Variants in PHTF1 observed in about 807,000 individuals in gnomAD.
PHTF1 encodes protein PHTF1.
In PHTF1, 88 loss-of-function variants were observed where a neutral mutation model predicts 102.4. The ratio of observed to expected loss-of-function variants is 0.86; its 90% CI spans 0.72 to 1.03. The LOEUF (loss-of-function observed/expected upper bound fraction) is 1.03, where lower values mean the gene tolerates loss of function less well. Ranked by LOEUF, PHTF1 falls within the 50% of genes least tolerant of loss-of-function variation. The probability of loss-of-function intolerance (pLI) is 0.00; values close to 1 mark genes in which losing one functional copy is unlikely to be tolerated. For synonymous variants in PHTF1, 289 were observed against 305.2 expected (o/e 0.95, Z 0.55); for missense variants, 814 against 909.5 (o/e 0.89, Z 1.35).
intron 18 of PHTF1, 74 bp downstream of exon 18, chr1:113,698,188 C>G: frequency 1.2e-6 from 1 of 813,634 alleles, no homozygotes; most frequent in Non-Finnish European, 1.9e-6. Context: ...CACACACACA[C>G]GTGTGAAGAA....
Position 113,758,649 on chromosome 1 carries a change from T to C in PHTF1, c.45+10A>G, listed in dbSNP as rs1277641726. On this transcript the variant is annotated intron_variant, in intron 2 of 18. Coordinates refer to ENST00000369604, the MANE Select transcript of PHTF1 (RefSeq NM_001323043.2). ...GCTTTACAAATAAAAAAAATATATA[T>C]ATGTATTACCTTCTTTTGGTACCAC... 3 of 1,496,318 alleles carry C rather than the reference T, an allele frequency of 2.0e-6. No homozygotes were observed. In the Admixed American group the frequency reaches 5.4e-5, roughly 27 times the overall value. 92.7% of individuals were successfully genotyped at this position (1,496,318 alleles called of 1,614,324 possible).
intron 5 of PHTF1, among the ~76,000 whole-genome samples, chr1:113,731,068 T>A (rs1405981849): frequency 6.6e-6 from 1 of 152,048 alleles, no homozygotes; most frequent in Admixed American, 6.6e-5. Context: ...ATGAAAAAAT[T>A]TTGGAAATAA....
At chr1:113,756,375 T>C (rs928585670) in intron 3 of PHTF1, among the ~76,000 whole-genome samples, 2 of 152,218 alleles carry the variant, frequency 1.3e-5, no homozygotes, top group African/African-American at 2.4e-5. Flanking sequence ...TTTCTATTGA[T>C]TGGCCTATTT....
chr1:113,732,005 A>G (rs1235816907), intron 5 of PHTF1, among the ~76,000 whole-genome samples: 2 of 152,046 alleles, frequency 1.3e-5, no homozygotes, highest in Non-Finnish European at 2.9e-5. Context: ...TTTTCTGTCC[A>G]TCCTCCAAAA....
chr1:113,757,664 G>A, intron 3 of PHTF1, 35 bp downstream of exon 3: 3 of 1,423,260 alleles, frequency 2.1e-6, no homozygotes, highest in South Asian at 1.1e-5. Flanking sequence ...TATTAATGCA[G>A]TGAAACATAG....
intron 3 of PHTF1, among the ~76,000 whole-genome samples, chr1:113,744,712 G>A (rs1326450736): frequency 2.0e-5 from 3 of 152,316 alleles, no homozygotes; most frequent in Admixed American, 2.0e-4. Context: ...CACTTTGGGA[G>A]GCTGAGGCAG....
intron 7 of PHTF1, among the ~76,000 whole-genome samples, chr1:113,723,802 T>C (rs753759683): frequency 6.6e-5 from 10 of 152,062 alleles, no homozygotes; most frequent in Non-Finnish European, 1.5e-4. Context: ...AAAGCATCTA[T>C]ATAGCAAAGG....
At chr1:113,759,754 G>C (rs550611187), upstream of PHTF1, among the ~76,000 whole-genome samples, 1 of 152,356 alleles carries the variant, frequency 6.6e-6, no homozygotes, top group East Asian at 1.9e-4. Context: ...GGTCGGTCCT[G>C]ATACTCTAGT....
chr1:113,736,840 T>C (rs1197852336), intron 5 of PHTF1, among the ~76,000 whole-genome samples: 2 of 152,204 alleles, frequency 1.3e-5, no homozygotes, highest in Non-Finnish European at 2.9e-5. Context: ...TAGGAGATGA[T>C]GTCTGAGAGA....
At chr1:113,733,993 T>C (rs559520015) in intron 5 of PHTF1, among the ~76,000 whole-genome samples, 35 of 152,234 alleles carry the variant, frequency 2.3e-4, no homozygotes, top group Non-Finnish European at 3.8e-4. Context: ...GGTGTAGTGG[T>C]TCACACCTGT....
At chr1:113,744,081 C>T (rs909914499) in intron 3 of PHTF1, among the ~76,000 whole-genome samples, 1 of 152,142 alleles carries the variant, frequency 6.6e-6, no homozygotes, top group African/African-American at 2.4e-5. Flanking sequence ...CCTTACTGGC[C>T]ACAACCTCTA....
At chr1:113,751,004 G>A (rs1284231159) in intron 3 of PHTF1, among the ~76,000 whole-genome samples, 1 of 152,094 alleles carries the variant, frequency 6.6e-6, no homozygotes, top group Non-Finnish European at 1.5e-5. Context: ...GCTTACATCT[G>A]TAATCCCAGC....
At chr1:113,706,456 ATGT>A (rs1173335036) in intron 12 of PHTF1, 135 bp downstream of exon 12, 68 of 523,226 alleles carry the variant, frequency 1.3e-4, no homozygotes, top group Non-Finnish European at 1.9e-4. Context: ...TATGTTAATA[ATGT>A]TATTATATAT....
chr1:113,738,926 A>T, intron 3 of PHTF1, 127 bp from the exon 4 acceptor site: 1 of 522,694 alleles, frequency 1.9e-6, no homozygotes, highest in Non-Finnish European at 3.4e-6. Flanking sequence ...ATCTCGGCTC[A>T]CTGCAACCTC....
intron 8 of PHTF1, among the ~76,000 whole-genome samples, chr1:113,712,784 ATT>A (rs35092721): frequency 0.32 from 41,577 of 130,998 alleles, 5,746 homozygotes; most frequent in African/African-American, 0.49. Flanking sequence ...AACTCACAAA[ATT>A]TTTTTTTTTT....
intron 3 of PHTF1, among the ~76,000 whole-genome samples, chr1:113,745,721 C>G (rs753644590): frequency 1.3e-5 from 2 of 152,166 alleles, no homozygotes; most frequent in East Asian, 3.9e-4. Context: ...TTCGAGGGAT[C>G]TAGGTTGCAT....
intron 7 of PHTF1, among the ~76,000 whole-genome samples, chr1:113,716,063 A>G (rs1259898165): frequency 6.6e-6 from 1 of 152,136 alleles, no homozygotes; most frequent in Non-Finnish European, 1.5e-5. Flanking sequence ...AAGGGATAAT[A>G]ACAGGAAACT....
intron 5 of PHTF1, among the ~76,000 whole-genome samples, chr1:113,729,528 T>G (rs1037674557): frequency 6.6e-6 from 1 of 152,042 alleles, no homozygotes; most frequent in Non-Finnish European, 1.5e-5. Context: ...TATATATACC[T>G]ACTATATACC....
intron 3 of PHTF1, among the ~76,000 whole-genome samples, chr1:113,742,325 T>C (rs1025872105): frequency 2.8e-4 from 43 of 152,156 alleles, no homozygotes; most frequent in African/African-American, 8.9e-4. Flanking sequence ...ACAGTAAAAA[T>C]ATGGTATAAA....
Sources: allele counts gnomAD v4.1 joint callset (sites outside exome capture counted in the v4.1 genomes callset), GRCh38; gene constraint gnomAD v4.1.1; transcripts MANE v1.5; gene names NCBI Gene and HGNC (gene_info 2026-07-23, HGNC 2026-07-21).